DEUP1: variants seen among roughly 807,000 people sequenced by gnomAD.
DEUP1 encodes the protein deuterosome assembly protein 1.
In DEUP1, 82 loss-of-function variants were observed where a neutral mutation model predicts 87.4. The ratio of observed to expected loss-of-function variants is 0.94; its 90% CI spans 0.78 to 1.13. The LOEUF (loss-of-function observed/expected upper bound fraction) is 1.13, where lower values mean the gene tolerates loss of function less well. Among genes scored for constraint, DEUP1 ranks in the 50% most tolerant of loss-of-function variants. DEUP1 has a pLI of 0.00. For synonymous variants in DEUP1, 214 were observed against 222.7 expected (o/e 0.96, Z 0.35); for missense variants, 663 against 681.5 (o/e 0.97, Z 0.30).
At chr11:93,392,984 C>CCCT (rs368024606) in intron 9 of DEUP1, among the ~76,000 whole-genome samples, 2 of 146,514 alleles carry the variant, frequency 1.4e-5, no homozygotes, top group Non-Finnish European at 3.0e-5. Flanking sequence ...CTCCTCCGAG[C>CCCT]CCTCCTCCTC....
At chr11:93,385,210 C>T (rs768273972) in intron 7 of DEUP1, among the ~76,000 whole-genome samples, 188 bp from the exon 8 acceptor site, 22 of 151,728 alleles carry the variant, frequency 1.4e-4, no homozygotes, top group Non-Finnish European at 3.1e-4. Flanking sequence ...CAGAGTGAGA[C>T]TCCATCTCAG....
At position 93,370,055 on chromosome 11, in the gene DEUP1, C is replaced by T. The variant is rs188249453; in HGVS notation, c.433-18C>T. 1.5e-4 allele frequency: 194 copies of T among 1,283,116 alleles called. 1 individual carries two copies. The African/African-American group carries it at 2.4e-3, about 16-fold the overall frequency. 79.5% of individuals were successfully genotyped at this position (1,283,116 alleles called of 1,614,324 possible). A position where few individuals can be genotyped will look rare whatever the true frequency, so the allele number is the denominator to read the frequency against. On this transcript the variant is annotated intron_variant, in intron 5 of 13. Coordinates refer to ENST00000298050, the MANE Select transcript of DEUP1 (RefSeq NM_181645.4). Reference sequence around the variant, plus strand: ...GAATAACATTTTTAAATATGTTTGTCTCCCCACTTTTTAAAAGGAATTTAG... The same window carrying T: ...GAATAACATTTTTAAATATGTTTGTTTCCCCACTTTTTAAAAGGAATTTAG...
intron 9 of DEUP1, among the ~76,000 whole-genome samples, chr11:93,393,633 C>T (rs2658775): frequency 0.81 from 122,893 of 152,128 alleles, 49,765 homozygotes; most frequent in East Asian, 0.89. Flanking sequence ...GTGTTGTAAT[C>T]GTCTATTTTT....
chr11:93,435,319 G>C (rs575804644), intron 13 of DEUP1, among the ~76,000 whole-genome samples: 5 of 152,080 alleles, frequency 3.3e-5, no homozygotes, highest in Non-Finnish European at 7.4e-5. Context: ...ATAGCAGCTG[G>C]ATTACCCTTG....
chr11:93,388,802 A>G (rs1946672305), intron 8 of DEUP1, among the ~76,000 whole-genome samples: 3 of 152,116 alleles, frequency 2.0e-5, no homozygotes. Context: ...ATTCCTTATT[A>G]ATTGCTTCCT....
intron 2 of DEUP1, among the ~76,000 whole-genome samples, chr11:93,341,619 C>A (rs1290765553): frequency 6.6e-6 from 1 of 152,044 alleles, no homozygotes; most frequent in African/African-American, 2.4e-5. Flanking sequence ...AGTATAACAG[C>A]TAGGATTATA....
chr11:93,397,964 T>G (rs1946989951), intron 11 of DEUP1, among the ~76,000 whole-genome samples: 1 of 152,112 alleles, frequency 6.6e-6, no homozygotes, highest in South Asian at 2.1e-4. Flanking sequence ...AAGGGCAATT[T>G]TAGTGCAGTC....
chr11:93,370,035 A>C (rs751446069), intron 5 of DEUP1, 38 bp from the exon 6 acceptor site: 8 of 1,048,554 alleles, frequency 7.6e-6, no homozygotes, highest in Non-Finnish European at 5.8e-6. Context: ...AAAATGAATA[A>C]CATTTTTAAA....
chr11:93,388,232 AAAG>A (rs1946651523), intron 8 of DEUP1, among the ~76,000 whole-genome samples: 1 of 152,136 alleles, frequency 6.6e-6, no homozygotes, highest in Non-Finnish European at 1.5e-5. Flanking sequence ...AATCTTCTCA[AAAG>A]TTATCTGGAA....
At chr11:93,417,443 T>A (rs1326266286) in intron 13 of DEUP1, among the ~76,000 whole-genome samples, 1 of 151,780 alleles carries the variant, frequency 6.6e-6, no homozygotes, top group East Asian at 1.9e-4. Flanking sequence ...GCTTCAAAGA[T>A]AATAAAATAC....
intron 4 of DEUP1, among the ~76,000 whole-genome samples, chr11:93,361,377 A>G (rs978313810): frequency 3.3e-5 from 5 of 152,128 alleles, no homozygotes; most frequent in Non-Finnish European, 5.9e-5. Context: ...ATGGGGGGAA[A>G]TGCAATAGAC....
At chr11:93,417,645 A>T (rs1947692078) in intron 13 of DEUP1, among the ~76,000 whole-genome samples, 1 of 151,634 alleles carries the variant, frequency 6.6e-6, no homozygotes, top group Admixed American at 6.6e-5. Context: ...CCATCAAGCT[A>T]CCAATGACTT....
chr11:93,364,422 C>G (rs757135916), intron 5 of DEUP1, 128 bp downstream of exon 5: 7 of 762,086 alleles, frequency 9.2e-6, no homozygotes, highest in Non-Finnish European at 1.5e-5. Context: ...AAACTAACTT[C>G]TCACTGAATA....
chr11:93,367,170 C>T (rs114020322), intron 5 of DEUP1, among the ~76,000 whole-genome samples: 189 of 152,206 alleles, frequency 1.2e-3, no homozygotes, highest in African/African-American at 4.3e-3. Flanking sequence ...GGCCTTAATA[C>T]CATCACTTAA....
At chr11:93,419,000 G>A (rs986594997) in intron 13 of DEUP1, among the ~76,000 whole-genome samples, 2 of 150,602 alleles carry the variant, frequency 1.3e-5, no homozygotes, top group African/African-American at 2.5e-5. Flanking sequence ...CATGGACACA[G>A]GAAGGGGAAC....
chr11:93,375,235 C>A (rs1423373502), intron 7 of DEUP1, among the ~76,000 whole-genome samples: 1 of 152,032 alleles, frequency 6.6e-6, no homozygotes. Context: ...TGTCATCAGT[C>A]AACAGAGATA....
At chr11:93,388,146 T>G (rs1006442806) in intron 8 of DEUP1, among the ~76,000 whole-genome samples, 1 of 152,178 alleles carries the variant, frequency 6.6e-6, no homozygotes, top group African/African-American at 2.4e-5. Context: ...ATTTTCAATC[T>G]TTAAATTAGC....
intron 1 of DEUP1, among the ~76,000 whole-genome samples, chr11:93,331,168 T>A (rs61922364): frequency 0.35 from 52,661 of 152,078 alleles, 9,468 homozygotes; most frequent in Non-Finnish European, 0.4. Flanking sequence ...GCTCTGTCTC[T>A]CTTAATTCCA....
chr11:93,341,280 G>T (rs1221708875), intron 2 of DEUP1, among the ~76,000 whole-genome samples: 1 of 151,822 alleles, frequency 6.6e-6, no homozygotes, highest in African/African-American at 2.4e-5. Context: ...TTAGCTGGGT[G>T]TGGTGGCACA....
Sources: gnomAD v4.1 joint callset for allele counts (sites outside exome capture counted in the v4.1 genomes callset) on GRCh38, gnomAD v4.1.1 for gene constraint, MANE v1.5 for transcripts, NCBI Gene and HGNC (gene_info 2026-07-23, HGNC 2026-07-21) for gene names.